Variants in CD96 observed in about 807,000 individuals in gnomAD.
The protein encoded by CD96 is T-cell surface protein tactile.
In CD96, 70 loss-of-function variants were observed where a neutral mutation model predicts 71.3. The ratio of observed to expected loss-of-function variants is 0.98; its 90% CI spans 0.81 to 1.20. The LOEUF (loss-of-function observed/expected upper bound fraction) is 1.20, where lower values mean the gene tolerates loss of function less well. Ranked by LOEUF, CD96 falls within the 50% of genes most tolerant of loss-of-function variation. The probability of loss-of-function intolerance (pLI) is 0.00; values close to 1 mark genes in which losing one functional copy is unlikely to be tolerated. For missense variants in CD96, 742 were observed against 677.5 expected, an observed-to-expected ratio of 1.10 and a Z score of -1.06; for synonymous variants, 248 against 233.0, an observed-to-expected ratio of 1.06 and a Z score of -0.59.
intron 8 of CD96, among the ~76,000 whole-genome samples, chr3:111,609,745 G>A (rs1055207036): frequency 2.0e-5 from 3 of 152,176 alleles, no homozygotes; most frequent in South Asian, 2.1e-4. Context: ...ACACTAAGAC[G>A]ATGTAGTTGG....
In CD96 at chr3:111,579,172, C is replaced by G; in HGVS notation, c.689C>G (p.Ser230Cys). The G allele has an allele frequency of 6.2e-7, 1 of 1,611,444 alleles. No individual in the cohort carries two copies. The highest frequency in any genetic ancestry group is 8.5e-7 in the Non-Finnish European group (1 of 1,177,446). Residue 230 changes from serine to cysteine, a missense_variant, in exon 4 of 14, where the codon TCT becomes TGT. Ser to Cys is a moderately radical substitution (Grantham distance 112). Transcript: ENST00000352690. The stretch of plus-strand genomic sequence containing the variant: ...ATCTTCGATGATGGGCGGAAGTTCT[C>G]TTGCCACATTAGAGTCGGTCCTAAC... Reference protein sequence around the residue: ...VQIFDDGRKFSCHIRVGPNKI... With the variant: ...VQIFDDGRKFCCHIRVGPNKI...
chr3:111,577,315 G>C (rs142304501), intron 3 of CD96, among the ~76,000 whole-genome samples: 2 of 152,206 alleles, frequency 1.3e-5, no homozygotes, highest in Non-Finnish European at 2.9e-5. Flanking sequence ...GCTGCCAAAC[G>C]TACCTGTGCC....
At chr3:111,614,651 G>A (rs1938136297) in intron 8 of CD96, among the ~76,000 whole-genome samples, 1 of 152,072 alleles carries the variant, frequency 6.6e-6, no homozygotes, top group South Asian at 2.1e-4. Context: ...ATTATGTCTG[G>A]AAAAATGTGC....
At chr3:111,621,484 CCTTGT>C (rs1938516472) in intron 8 of CD96, among the ~76,000 whole-genome samples, 1 of 151,652 alleles carries the variant, frequency 6.6e-6, no homozygotes, top group Non-Finnish European at 1.5e-5. Context: ...ATAATTTTTA[CCTTGT>C]CTTGTCCCAA....
At chr3:111,557,721 A>G (rs1023713539) in intron 2 of CD96, among the ~76,000 whole-genome samples, 1 of 138,428 alleles carries the variant, frequency 7.2e-6, no homozygotes, top group African/African-American at 2.7e-5. Context: ...ACTTTAAAGT[A>G]GTTTTTTCCA....
intron 5 of CD96, chr3:111,593,412 C>A: frequency 9.0e-7 from 1 of 1,114,886 alleles, no homozygotes; most frequent in South Asian, 1.9e-5. Context: ...CAGATTAACT[C>A]ATACTGTGCA....
intron 8 of CD96, among the ~76,000 whole-genome samples, chr3:111,610,207 T>A (rs1268384135): frequency 6.6e-6 from 1 of 152,248 alleles, no homozygotes; most frequent in Non-Finnish European, 1.5e-5. Context: ...AGTGGCAGAT[T>A]ATGTCTAAAT....
At chr3:111,558,998 G>A (rs1369940670) in intron 2 of CD96, among the ~76,000 whole-genome samples, 1 of 152,282 alleles carries the variant, frequency 6.6e-6, no homozygotes, top group East Asian at 1.9e-4. Context: ...TTTGCATAGA[G>A]GTGTTTGTAG....
At chr3:111,634,042 T>C (rs1198337076) in intron 10 of CD96, 1 of 152,886 alleles carries the variant, frequency 6.5e-6, no homozygotes, top group Non-Finnish European at 1.5e-5. Context: ...TTATCTGTGG[T>C]TTTATTAAAG....
At chr3:111,654,606 A>G (rs980248744), downstream of CD96, among the ~76,000 whole-genome samples, 1 of 152,234 alleles carries the variant, frequency 6.6e-6, no homozygotes, top group African/African-American at 2.4e-5. Context: ...TATTTGTTCA[A>G]AGACTGTGGC....
chr3:111,557,430 C>A (rs1303082379), intron 2 of CD96, among the ~76,000 whole-genome samples: 1 of 68,832 alleles, frequency 1.5e-5, no homozygotes, highest in Non-Finnish European at 2.7e-5. Flanking sequence ...ATATGGCTAG[C>A]CAGTTTTCCC....
chr3:111,564,458 G>C (rs1424634423), intron 2 of CD96, among the ~76,000 whole-genome samples: 1 of 149,466 alleles, frequency 6.7e-6, no homozygotes. Context: ...TTAGTTTCTG[G>C]AGTGATTTTT....
chr3:111,642,026 A>G (rs929945117), intron 12 of CD96, among the ~76,000 whole-genome samples: 1 of 152,216 alleles, frequency 6.6e-6, no homozygotes, highest in African/African-American at 2.4e-5. Flanking sequence ...CACAGCCCTA[A>G]ACACCTACAA....
At chr3:111,634,257 A>G (rs1939215926) in intron 10 of CD96, 2 of 152,234 alleles carry the variant, frequency 1.3e-5, no homozygotes, top group African/African-American at 4.8e-5. Flanking sequence ...GTACCCATTT[A>G]TGGTAGAATA....
intron 4 of CD96, among the ~76,000 whole-genome samples, chr3:111,583,096 G>T (rs1056889279): frequency 1.3e-5 from 2 of 152,232 alleles, no homozygotes; most frequent in African/African-American, 4.8e-5. Context: ...TATAATGGGG[G>T]TATAAGCATT....
intron 14 of CD96, among the ~76,000 whole-genome samples, chr3:111,662,038 C>T (rs1367179557): frequency 6.6e-6 from 1 of 152,234 alleles, no homozygotes; most frequent in Non-Finnish European, 1.5e-5. Context: ...TCTTTGAAAT[C>T]TAGGGAGAGG....
intron 12 of CD96, among the ~76,000 whole-genome samples, chr3:111,646,084 A>G (rs1053346104): frequency 2.6e-5 from 4 of 152,288 alleles, no homozygotes; most frequent in African/African-American, 9.6e-5. Flanking sequence ...TAGCCGAGAC[A>G]AGGAAAGAAA....
chr3:111,584,885 G>A (rs981744465), intron 4 of CD96, among the ~76,000 whole-genome samples: 15 of 152,070 alleles, frequency 9.9e-5, no homozygotes, highest in Non-Finnish European at 1.6e-4. Context: ...CCCATCCTCC[G>A]CTTGCACTAC....
chr3:111,657,885 C>G (rs1403881962), intron 14 of CD96, among the ~76,000 whole-genome samples: 2 of 152,144 alleles, frequency 1.3e-5, no homozygotes, highest in Admixed American at 6.5e-5. Flanking sequence ...CACTGGTAAT[C>G]TTAATCTTAA....
Sources: gnomAD v4.1 joint callset for allele counts (sites outside exome capture counted in the v4.1 genomes callset) on GRCh38, gnomAD v4.1.1 for gene constraint, MANE v1.5 for transcripts, NCBI Gene and HGNC (gene_info 2026-07-23, HGNC 2026-07-21) for gene names.